Variants in PDE11A observed in about 807,000 individuals in gnomAD.
The protein encoded by PDE11A is dual 3',5'-cyclic-AMP and -GMP phosphodiesterase 11A.
PDE11A carries 100 observed loss-of-function variants against 100.5 expected under a neutral mutation model. The ratio of observed to expected loss-of-function variants is 1.00; its 90% CI spans 0.85 to 1.18. PDE11A has a LOEUF of 1.18. Among genes scored for constraint, PDE11A ranks in the 50% most tolerant of loss-of-function variants. The pLI is 0.00. For synonymous variants in PDE11A, 381 were observed against 420.8 expected, an observed-to-expected ratio of 0.91 and a Z score of 1.16; for missense variants, 1,141 against 1,152.6, an observed-to-expected ratio of 0.99 and a Z score of 0.15.
chr2:177,653,710 A>G (rs1410486316), intron 19 of PDE11A, among the ~76,000 whole-genome samples: 1 of 152,254 alleles, frequency 6.6e-6, no homozygotes, highest in Non-Finnish European at 1.5e-5. Context: ...GGAGAGATGC[A>G]TGGAACGGAC....
rs199632194 is a variant in PDE11A, at chr2:177,853,809, C to CAT, written c.1368-13428_1368-13427dup. Among the ~76,000 whole-genome samples the CAT allele has an allele frequency of 5.3e-3, 571 of 108,274 alleles. 13 individuals carry two copies. The highest frequency in any genetic ancestry group is 0.019 in the African/African-American group (531 of 28,038). 71.0% of individuals were successfully genotyped at this position (108,274 alleles called of 152,430 possible). On this transcript the variant is annotated intron_variant, in intron 5 of 19. Transcript: ENST00000286063. ...GTATAGATATATATGTATATATGTG[C>CAT]ATATATGTATATATATGTGTGTATA...
At chr2:178,072,815 A>T (rs565605002), upstream of PDE11A, 35 of 1,208,070 alleles carry the variant, frequency 2.9e-5, no homozygotes, top group East Asian at 1.6e-3. Context: ...GTAGGGCAGG[A>T]CACGCCCCTG....
chr2:177,796,932 CA>C (rs2082715447), intron 9 of PDE11A: 1 of 152,170 alleles, frequency 6.6e-6, no homozygotes, highest in African/African-American at 2.4e-5. Context: ...CTAGGATCTG[CA>C]CTGTAAAACC....
chr2:177,742,154 C>T (rs1214570020), intron 10 of PDE11A, among the ~76,000 whole-genome samples: 1 of 152,100 alleles, frequency 6.6e-6, no homozygotes, highest in Non-Finnish European at 1.5e-5. Flanking sequence ...CAGTGGAGTG[C>T]TTCTCCAGTC....
At chr2:178,037,458 TGTG>T (rs2105846012) in intron 1 of PDE11A, among the ~76,000 whole-genome samples, 1 of 152,316 alleles carries the variant, frequency 6.6e-6, no homozygotes, top group African/African-American at 2.4e-5. Flanking sequence ...TGGAAGATAA[TGTG>T]GTGATTCCTC....
At chr2:177,784,931 G>C (rs2105523546) in intron 9 of PDE11A, among the ~76,000 whole-genome samples, 1 of 152,296 alleles carries the variant, frequency 6.6e-6, no homozygotes, top group East Asian at 1.9e-4. Flanking sequence ...GATTTAATCT[G>C]TTTATACGGA....
At chr2:177,966,093 T>C (rs557589590) in intron 2 of PDE11A, among the ~76,000 whole-genome samples, 88 of 152,316 alleles carry the variant, frequency 5.8e-4, no homozygotes, top group African/African-American at 2.1e-3. Context: ...GCTGTATTCC[T>C]AGGTGTTTTA....
At chr2:177,724,410 A>G (rs1290159359) in intron 12 of PDE11A, among the ~76,000 whole-genome samples, 1 of 152,064 alleles carries the variant, frequency 6.6e-6, no homozygotes, top group African/African-American at 2.4e-5. Context: ...TGCTGAGTCA[A>G]TAAGTTTATT....
intron 1 of PDE11A, 134 bp from the exon 2 acceptor site, chr2:178,014,594 T>A: frequency 1.4e-6 from 1 of 704,352 alleles, no homozygotes; most frequent in Non-Finnish European, 2.5e-6. Flanking sequence ...AATAACAGAT[T>A]TGACTTCATT....
At chr2:177,690,149 T>G (rs1264697107) in intron 15 of PDE11A, among the ~76,000 whole-genome samples, 1 of 152,106 alleles carries the variant, frequency 6.6e-6, no homozygotes, top group African/African-American at 2.4e-5. Flanking sequence ...AATGAGTATA[T>G]GGAAAAATTC....
chr2:177,998,416 T>G, intron 2 of PDE11A: 3 of 928,218 alleles, frequency 3.2e-6, no homozygotes, highest in Non-Finnish European at 5.4e-6. Context: ...AACAGGGCAT[T>G]GTTCACTAGG....
chr2:177,657,486 T>C lies in PDE11A; in HGVS notation c.2646+6380A>G, dbSNP rs540585344. ...CTACATTTCAGAACTCTCCTTTCTC[T>C]ATTAAGAACCAAACCTGGCTAAGTT... On this transcript the variant is annotated intron_variant, in intron 19 of 19. Coordinates refer to ENST00000286063, the MANE Select transcript of PDE11A (RefSeq NM_016953.4). Among the ~76,000 whole-genome samples the C allele has an allele frequency of 1.4e-4, 21 of 152,320 alleles. No homozygotes were observed. In the East Asian group the frequency reaches 4.0e-3, roughly 29 times the overall value.
intron 17 of PDE11A, among the ~76,000 whole-genome samples, chr2:177,673,648 T>C (rs7578325): frequency 0.23 from 35,061 of 152,140 alleles, 6,181 homozygotes; most frequent in African/African-American, 0.49. Flanking sequence ...CCGTGACTGA[T>C]GGGACATTTG....
At chr2:177,769,804 C>T (rs2082286512) in intron 9 of PDE11A, among the ~76,000 whole-genome samples, 1 of 150,592 alleles carries the variant, frequency 6.6e-6, no homozygotes, top group Non-Finnish European at 1.5e-5. Context: ...GGGAGGATCA[C>T]CTGAGCCCAG....
At chr2:177,647,940 G>A (rs2080248640) in intron 19 of PDE11A, among the ~76,000 whole-genome samples, 1 of 151,944 alleles carries the variant, frequency 6.6e-6, no homozygotes, top group Non-Finnish European at 1.5e-5. Flanking sequence ...TTGAAACCCT[G>A]TCTCTACAGA....
At chr2:178,022,046 G>T (rs2086419863) in intron 1 of PDE11A, among the ~76,000 whole-genome samples, 1 of 152,116 alleles carries the variant, frequency 6.6e-6, no homozygotes, top group African/African-American at 2.4e-5. Context: ...GAAGGTGAGT[G>T]GGAGTGATAT....
intron 2 of PDE11A, among the ~76,000 whole-genome samples, chr2:177,956,998 A>T (rs1290469338): frequency 6.6e-6 from 1 of 152,090 alleles, no homozygotes; most frequent in African/African-American, 2.4e-5. Flanking sequence ...ACATGTATAC[A>T]TATGTAACAA....
intron 19 of PDE11A, among the ~76,000 whole-genome samples, chr2:177,660,091 CTTT>C (rs2080458227): frequency 2.3e-5 from 1 of 43,630 alleles, no homozygotes; most frequent in African/African-American, 7.3e-5. Context: ...TTCTTTCTTT[CTTT>C]CTTTCTCTCT....
At chr2:177,713,992 T>TC (rs1245842061) in intron 12 of PDE11A, among the ~76,000 whole-genome samples, 2 of 110,016 alleles carry the variant, frequency 1.8e-5, no homozygotes, top group African/African-American at 6.6e-5. Context: ...TTTTTCTTTT[T>TC]TTTTTTTTTT....
Sources: gnomAD v4.1 joint callset for allele counts (sites outside exome capture counted in the v4.1 genomes callset) on GRCh38, gnomAD v4.1.1 for gene constraint, MANE v1.5 for transcripts, NCBI Gene and HGNC (gene_info 2026-07-23, HGNC 2026-07-21) for gene names.